CRACR2A: variants seen among roughly 807,000 people sequenced by gnomAD.
The protein encoded by CRACR2A is calcium release activated channel regulator 2A, also known as EF-hand calcium-binding domain-containing protein 4B.
In CRACR2A, 79 loss-of-function variants were observed where a neutral mutation model predicts 90.5. That is an observed-to-expected ratio of 0.87 (90% CI 0.73 to 1.05). The LOEUF is 1.05. Ranked by LOEUF, CRACR2A falls within the 50% of genes least tolerant of loss-of-function variation. CRACR2A has a pLI of 0.00. For missense variants in CRACR2A, 823 were observed against 897.2 expected (o/e 0.92, Z 1.06); for synonymous variants, 338 against 356.7 (o/e 0.95, Z 0.59).
At chr12:3,625,611 C>T (rs980546705) in intron 17 of CRACR2A, among the ~76,000 whole-genome samples, 3 of 145,748 alleles carry the variant, frequency 2.1e-5, no homozygotes, top group African/African-American at 7.7e-5. Context: ...AATGAGATGG[C>T]CATACTAGAT....
intron 12 of CRACR2A, among the ~76,000 whole-genome samples, chr12:3,642,944 C>A (rs1338016602): frequency 6.6e-6 from 1 of 152,206 alleles, no homozygotes; most frequent in Non-Finnish European, 1.5e-5. Flanking sequence ...TATGCTGATT[C>A]TAAATCAATC....
chr12:3,745,828 A>AATAAAATAAAATAAAATAAAAT (rs10629185), intron 1 of CRACR2A, among the ~76,000 whole-genome samples: 1 of 144,088 alleles, frequency 6.9e-6, no homozygotes, highest in Non-Finnish European at 1.6e-5. Flanking sequence ...AATAAAATAA[A>AATAAAATAAAATAAAATAAAAT]GAAAGAAAAG....
At chr12:3,635,450 G>A (rs887071257) in intron 14 of CRACR2A, among the ~76,000 whole-genome samples, 1 of 152,124 alleles carries the variant, frequency 6.6e-6, no homozygotes, top group Non-Finnish European at 1.5e-5. Context: ...AAGTAGAGAG[G>A]AAATTAATTC....
intron 13 of CRACR2A, among the ~76,000 whole-genome samples, chr12:3,641,480 GC>G (rs1367612066): frequency 6.6e-6 from 1 of 152,172 alleles, no homozygotes; most frequent in African/African-American, 2.4e-5. Context: ...GTCCCTCTCT[GC>G]AAACACACAG....
chr12:3,649,848 G>T (rs1317391340), intron 10 of CRACR2A, among the ~76,000 whole-genome samples: 1 of 142,932 alleles, frequency 7.0e-6, no homozygotes, highest in Non-Finnish European at 1.5e-5. Flanking sequence ...AGGAAGGAAT[G>T]AAGGAAGGAG....
chr12:3,648,658 C>T (rs1215830233), intron 10 of CRACR2A, 45 bp from the exon 11 acceptor site: 1 of 1,586,166 alleles, frequency 6.3e-7, no homozygotes. Context: ...CAGGTGGAAG[C>T]CGGATGCCCG....
chr12:3,741,479 G>C (rs73249732), intron 1 of CRACR2A, among the ~76,000 whole-genome samples: 23,896 of 152,136 alleles, frequency 0.16, 2,074 homozygotes, highest in African/African-American at 0.2. Flanking sequence ...AATAAGCAAC[G>C]CCCATTTAAA....
chr12:3,669,829 A>AGGG (rs1591673442), intron 7 of CRACR2A, among the ~76,000 whole-genome samples: 1 of 152,320 alleles, frequency 6.6e-6, no homozygotes, highest in East Asian at 1.9e-4. Context: ...GATATGGCCC[A>AGGG]GCCTGGGAGG....
intron 1 of CRACR2A, among the ~76,000 whole-genome samples, chr12:3,741,975 G>A (rs1429047677): frequency 6.6e-6 from 1 of 152,220 alleles, no homozygotes; most frequent in Non-Finnish European, 1.5e-5. Flanking sequence ...CACTCTGCTA[G>A]TTAACATTTC....
intron 7 of CRACR2A, among the ~76,000 whole-genome samples, chr12:3,670,219 G>T (rs562129899): frequency 2.0e-5 from 3 of 152,160 alleles, no homozygotes; most frequent in Non-Finnish European, 4.4e-5. Flanking sequence ...TGCAGCAGTC[G>T]TGACTTGAGC....
chr12:3,684,994 C>T (rs1387472399), intron 4 of CRACR2A, among the ~76,000 whole-genome samples: 1 of 152,262 alleles, frequency 6.6e-6, no homozygotes, highest in Non-Finnish European at 1.5e-5. Flanking sequence ...AAAGCTGCTG[C>T]TGAATAAAAC....
intron 7 of CRACR2A, 41 bp from the exon 8 acceptor site, chr12:3,659,695 T>C: frequency 6.6e-7 from 1 of 1,524,816 alleles, no homozygotes; most frequent in Non-Finnish European, 9.1e-7. Flanking sequence ...GAGGTTCCCC[T>C]ACTCCACAGC....
At chr12:3,688,530 T>C (rs1329645365) in intron 4 of CRACR2A, among the ~76,000 whole-genome samples, 1 of 152,186 alleles carries the variant, frequency 6.6e-6, no homozygotes, top group Non-Finnish European at 1.5e-5. Flanking sequence ...GGCTCTCTAT[T>C]CTGTTCCATT....
intron 3 of CRACR2A, among the ~76,000 whole-genome samples, chr12:3,708,626 C>T (rs1394494567): frequency 6.6e-6 from 1 of 152,084 alleles, no homozygotes; most frequent in African/African-American, 2.4e-5. Flanking sequence ...GGGGTTTCAC[C>T]GTGTTAGCCA....
At chr12:3,698,094 C>A (rs999781706) in intron 3 of CRACR2A, among the ~76,000 whole-genome samples, 5 of 152,076 alleles carry the variant, frequency 3.3e-5, no homozygotes, top group African/African-American at 9.7e-5. Context: ...TCTGTGAAAT[C>A]GCCACATCAT....
rs538168974 is a variant in CRACR2A, at chr12:3,633,906, G to A, written c.1603-170C>T. Among the ~76,000 whole-genome samples the A allele has an allele frequency of 4.0e-4, 61 of 152,264 alleles. No individual in the cohort carries two copies. Among genetic ancestry groups the A allele is most frequent in the Non-Finnish European group, 7.9e-4 (54 of 68,024 alleles). ...GCCTCAGAATGCAGTGAGCATAGTC[G>A]GTCTTGGGGCATGGAGGCTTTTTCC... On this transcript the variant is annotated intron_variant, in intron 14 of 19. Transcript: ENST00000440314. The surrounding 1 kb of genome is among the most constrained non-coding windows in gnomAD (Gnocchi z 4.5).
chr12:3,616,884 A>AC (rs1275327639), intron 19 of CRACR2A, 70 bp downstream of exon 19: 1 of 1,258,442 alleles, frequency 7.9e-7, no homozygotes, highest in East Asian at 2.5e-5. Context: ...GGAGGGAAAC[A>AC]CGGTGCCTCC....
intron 4 of CRACR2A, among the ~76,000 whole-genome samples, chr12:3,689,910 CTTCTAGATT>C (rs1251824409): frequency 6.6e-6 from 1 of 151,762 alleles, no homozygotes; most frequent in Non-Finnish European, 1.5e-5. Flanking sequence ...TTATCAACTT[CTTCTAGATT>C]TTCTAATTTG....
At chr12:3,629,047 A>C (rs2137311252) in intron 15 of CRACR2A, among the ~76,000 whole-genome samples, 1 of 152,074 alleles carries the variant, frequency 6.6e-6, no homozygotes, top group East Asian at 1.9e-4. Context: ...CCATTAATAG[A>C]ATGCTTTCTA....
Sources: allele counts gnomAD v4.1 joint callset (sites outside exome capture counted in the v4.1 genomes callset), GRCh38; gene constraint gnomAD v4.1.1; non-coding constraint Gnocchi (gnomAD v3.1); transcripts MANE v1.5; gene names NCBI Gene and HGNC (gene_info 2026-07-23, HGNC 2026-07-21).